SH3RF3: variants seen among roughly 807,000 people sequenced by gnomAD.
SH3RF3 encodes the protein E3 ubiquitin-protein ligase SH3RF3.
In SH3RF3, 29 loss-of-function variants were observed where a neutral mutation model predicts 66.3. That is an observed-to-expected ratio of 0.44 (90% CI 0.33 to 0.60). The LOEUF is 0.60. Among genes scored for constraint, SH3RF3 ranks in the 20% least tolerant of loss-of-function variants. SH3RF3 has a pLI of 0.04. For synonymous variants in SH3RF3, 583 were observed against 532.0 expected (o/e 1.10, Z -1.32); for missense variants, 1,194 against 1,190.9 (o/e 1.00, Z -0.04).
At chr2:109,334,734 C>A (rs916648653) in intron 1 of SH3RF3, among the ~76,000 whole-genome samples, 2 of 152,198 alleles carry the variant, frequency 1.3e-5, no homozygotes, top group African/African-American at 4.8e-5. Flanking sequence ...CTCATGAGAA[C>A]AGGAGGCGAT....
Position 109,207,482 on chromosome 2 carries a change from C to T in SH3RF3, c.573+77369C>T, listed in dbSNP as rs1434297976. Among the ~76,000 whole-genome samples the T allele has an allele frequency of 2.6e-5, 4 of 152,130 alleles. No individual in the cohort carries two copies. In the South Asian group the frequency reaches 6.2e-4, roughly 24 times the overall value. ...TAATTATATATGTAATAATGTTATG[C>T]AGCAGAACCATCTGCCTTTGGAGAG... On this transcript the variant is annotated intron_variant, in intron 1 of 9. Transcript: ENST00000309415.
intron 1 of SH3RF3, among the ~76,000 whole-genome samples, chr2:109,182,089 G>T (rs1195253897): frequency 3.9e-5 from 6 of 152,260 alleles, no homozygotes; most frequent in East Asian, 3.9e-4. Context: ...GTAGGTAATT[G>T]CTTCACCTGT....
chr2:109,236,224 A>T (rs1263757808), intron 1 of SH3RF3, among the ~76,000 whole-genome samples: 4 of 152,212 alleles, frequency 2.6e-5, no homozygotes, highest in African/African-American at 9.7e-5. Flanking sequence ...TTACAATGTA[A>T]TATACTTGCC....
At chr2:109,300,822 A>G (rs751463217) in intron 1 of SH3RF3, among the ~76,000 whole-genome samples, 5 of 152,214 alleles carry the variant, frequency 3.3e-5, no homozygotes, top group Non-Finnish European at 5.9e-5. Context: ...TCATTACCAC[A>G]GTCTTTGCCT....
chr2:109,281,498 G>A (rs375923543), intron 1 of SH3RF3, among the ~76,000 whole-genome samples: 129 of 152,268 alleles, frequency 8.5e-4, no homozygotes, highest in African/African-American at 3.0e-3. Context: ...TGACTCTGTG[G>A]GTGCCTTTCA....
intron 1 of SH3RF3, among the ~76,000 whole-genome samples, chr2:109,145,543 C>T (rs1378619143): frequency 6.6e-6 from 1 of 152,260 alleles, no homozygotes; most frequent in Non-Finnish European, 1.5e-5. Context: ...TGCTTCCTCA[C>T]ACATCCTCCA....
At chr2:109,162,586 A>G (rs1290738328) in intron 1 of SH3RF3, among the ~76,000 whole-genome samples, 2 of 152,156 alleles carry the variant, frequency 1.3e-5, no homozygotes, top group Non-Finnish European at 2.9e-5. Flanking sequence ...ATAGTATTCC[A>G]TGGTGTATAT....
chr2:109,272,300 G>A (rs1402687588), intron 1 of SH3RF3, among the ~76,000 whole-genome samples: 2 of 152,206 alleles, frequency 1.3e-5, no homozygotes, highest in Non-Finnish European at 2.9e-5. Context: ...GGAGCTGATG[G>A]CTACACATCC....
intron 3 of SH3RF3, among the ~76,000 whole-genome samples, chr2:109,395,407 G>A (rs1676114216): frequency 6.6e-6 from 1 of 152,206 alleles, no homozygotes; most frequent in South Asian, 2.1e-4. Flanking sequence ...CCTCTTCCTG[G>A]GAGACCCCTC....
Position 109,426,781 on chromosome 2 carries a change from A to G in SH3RF3, c.1404-5720A>G, listed in dbSNP as rs374619581. 1.5e-3 allele frequency among the ~76,000 whole-genome samples: 227 copies of G among 152,294 alleles called. 1 individual carries two copies. The highest frequency in any genetic ancestry group is 5.4e-3 in the African/African-American group (223 of 41,552). On this transcript the variant is annotated intron_variant, in intron 5 of 9. Transcript: ENST00000309415. ...TATAGAGAAATCTATCATGAAAGAAAGAGTCAATGTAGCAAACCTCATTGC... is the reference window on the plus strand; with the variant it reads ...TATAGAGAAATCTATCATGAAAGAAGGAGTCAATGTAGCAAACCTCATTGC...
At chr2:109,391,775 C>A (rs1045245946) in intron 3 of SH3RF3, among the ~76,000 whole-genome samples, 1 of 152,200 alleles carries the variant, frequency 6.6e-6, no homozygotes, top group Non-Finnish European at 1.5e-5. Context: ...TAGCTGGCAT[C>A]TGTCCCATAT....
At position 109,153,997 on chromosome 2, in the gene SH3RF3, A is replaced by G. The variant is rs563859354; in HGVS notation, c.573+23884A>G. Among the ~76,000 whole-genome samples the G allele has an allele frequency of 2.8e-4, 43 of 152,356 alleles. No individual in the cohort carries two copies. The South Asian group carries it at 6.6e-3, about 23-fold the overall frequency. On this transcript the variant is annotated intron_variant, in intron 1 of 9. Transcript: ENST00000309415. Reference sequence around the variant, plus strand: ...TTAAGCCAAATTTGGGCGGCAGCCAAGTGACCTGGTCAGTGATTCTGGTTG... The same window carrying G: ...TTAAGCCAAATTTGGGCGGCAGCCAGGTGACCTGGTCAGTGATTCTGGTTG...
intron 8 of SH3RF3, among the ~76,000 whole-genome samples, chr2:109,485,256 T>A (rs542978814): frequency 6.9e-4 from 105 of 152,348 alleles, no homozygotes; most frequent in African/African-American, 2.5e-3. Flanking sequence ...CAGCCACCTG[T>A]CTCCACATGG....
intron 1 of SH3RF3, among the ~76,000 whole-genome samples, chr2:109,195,943 C>T (rs1678489171): frequency 6.6e-6 from 1 of 152,200 alleles, no homozygotes; most frequent in Non-Finnish European, 1.5e-5. Flanking sequence ...CGCCCTGCAG[C>T]GAGAAGGGCC....
rs1312423677 is a variant in SH3RF3 at position 109,504,098 on chromosome 2, A to C, written c.*2427A>C. 2.0e-5 allele frequency: 3 copies of C among 152,268 alleles called. No homozygotes were observed. The highest frequency in any genetic ancestry group is 4.4e-5 in the Non-Finnish European group (3 of 68,050). The allele number at this position is 152,268 out of a possible 1,614,324, so 9.4% of individuals were successfully genotyped here. Reference sequence around the variant, plus strand: ...TATTTTAAACTCGTTCAGGCCCTGCAGCCTTCATGATGATGTAGCTCGCAG... The same window carrying C: ...TATTTTAAACTCGTTCAGGCCCTGCCGCCTTCATGATGATGTAGCTCGCAG... On this transcript the variant is annotated 3_prime_UTR_variant, in exon 10 of 10. Coordinates refer to ENST00000309415, the MANE Select transcript of SH3RF3 (RefSeq NM_001099289.3).
intron 1 of SH3RF3, among the ~76,000 whole-genome samples, chr2:109,336,890 C>T (rs1347781308): frequency 6.6e-6 from 1 of 152,208 alleles, no homozygotes; most frequent in Non-Finnish European, 1.5e-5. Context: ...CTGCTCAGTT[C>T]CTCCTGTCCC....
At chr2:109,424,299 G>A (rs905357083) in intron 5 of SH3RF3, among the ~76,000 whole-genome samples, 10 of 152,336 alleles carry the variant, frequency 6.6e-5, no homozygotes, top group East Asian at 1.9e-4. Context: ...CACCCTGAGG[G>A]AGATTCCCAG....
At chr2:109,488,985 T>G (rs1317025578) in intron 8 of SH3RF3, among the ~76,000 whole-genome samples, 1 of 152,112 alleles carries the variant, frequency 6.6e-6, no homozygotes, top group African/African-American at 2.4e-5. Flanking sequence ...GAACTCCCCA[T>G]GGACTGTCAG....
chr2:109,218,385 T>G (rs891947272), intron 1 of SH3RF3, among the ~76,000 whole-genome samples: 1 of 152,204 alleles, frequency 6.6e-6, no homozygotes, highest in Non-Finnish European at 1.5e-5. Flanking sequence ...AGTTGCTGGA[T>G]GAAATGTTCT....
Sources: allele counts gnomAD v4.1 joint callset (sites outside exome capture counted in the v4.1 genomes callset), GRCh38; gene constraint gnomAD v4.1.1; transcripts MANE v1.5; gene names NCBI Gene and HGNC (gene_info 2026-07-23, HGNC 2026-07-21).